Variants in CSMD1 observed in about 807,000 individuals in gnomAD.
CSMD1 encodes the protein CUB and Sushi multiple domains 1, also known as CUB and sushi domain-containing protein 1.
In CSMD1, 213 loss-of-function variants were observed where a neutral mutation model predicts 417.5. The observed-to-expected ratio is 0.51, with a 90% CI of 0.46 to 0.57. CSMD1 has a LOEUF of 0.57. Ranked by LOEUF, CSMD1 falls within the 20% of genes least tolerant of loss-of-function variation. CSMD1 has a pLI of 0.00. For missense variants in CSMD1, 6,923 were observed against 4,529.7 expected, an observed-to-expected ratio of 1.53 and a Z score of -15.17; for synonymous variants, 2,862 against 1,736.8, an observed-to-expected ratio of 1.65 and a Z score of -16.11.
intron 12 of CSMD1, among the ~76,000 whole-genome samples, chr8:3,430,261 A>C (rs1040403330): frequency 4.6e-5 from 7 of 152,270 alleles, no homozygotes; most frequent in African/African-American, 1.7e-4. Flanking sequence ...CATCATTATT[A>C]TCAATATGAA....
intron 3 of CSMD1, among the ~76,000 whole-genome samples, chr8:4,335,026 T>G (rs1800089023): frequency 6.6e-6 from 1 of 152,078 alleles, no homozygotes; most frequent in South Asian, 2.1e-4. Flanking sequence ...TTTAGCCTCC[T>G]TAGTAGCTGG....
intron 1 of CSMD1, among the ~76,000 whole-genome samples, chr8:4,955,377 G>A (rs1301515845): frequency 1.3e-5 from 2 of 151,834 alleles, no homozygotes; most frequent in Non-Finnish European, 2.9e-5. Flanking sequence ...TATGATTGGT[G>A]TCTTTCATGT....
At chr8:4,915,319 A>G (rs909779295) in intron 1 of CSMD1, among the ~76,000 whole-genome samples, 1 of 152,182 alleles carries the variant, frequency 6.6e-6, no homozygotes, top group Non-Finnish European at 1.5e-5. Context: ...GTGTGGATTT[A>G]TTGCAATGGT....
chr8:3,725,738 G>A (rs1026236056), intron 6 of CSMD1, among the ~76,000 whole-genome samples: 1 of 152,154 alleles, frequency 6.6e-6, no homozygotes, highest in Non-Finnish European at 1.5e-5. Flanking sequence ...ACCAACTGCT[G>A]TGTTGTTAGT....
chr8:4,297,031 C>T (rs1156873443), intron 3 of CSMD1, among the ~76,000 whole-genome samples: 1 of 151,946 alleles, frequency 6.6e-6, no homozygotes, highest in Non-Finnish European at 1.5e-5. Flanking sequence ...AAGAGTAATG[C>T]TACATTTTTA....
Position 4,201,656 on chromosome 8 carries a change from G to C in CSMD1, c.416-169557C>G, listed in dbSNP as rs139793801. ...AAGCCTTTATTTACCCTTGACCAAA[G>C]TTTTCATTTCTATAATTTACTCAAG... is the stretch of plus-strand genomic sequence containing the variant. On this transcript the variant is annotated intron_variant, in intron 3 of 69. Transcript: ENST00000635120. Among the ~76,000 whole-genome samples, 47 of 150,156 alleles carry C rather than the reference G, an allele frequency of 3.1e-4. 1 individual carries two copies. The East Asian group carries it at 7.9e-3, about 25-fold the overall frequency.
intron 5 of CSMD1, among the ~76,000 whole-genome samples, chr8:3,787,460 G>A (rs1297879088): frequency 1.3e-5 from 2 of 152,044 alleles, no homozygotes; most frequent in Non-Finnish European, 2.9e-5. Flanking sequence ...AATAATTCAT[G>A]TGAAAAACAA....
At chr8:4,446,907 C>T (rs1204082936) in intron 2 of CSMD1, among the ~76,000 whole-genome samples, 1 of 150,864 alleles carries the variant, frequency 6.6e-6, no homozygotes, top group Non-Finnish European at 1.5e-5. Context: ...AGGCGTGAGC[C>T]ATTGCGCCTG....
intron 40 of CSMD1, among the ~76,000 whole-genome samples, chr8:3,146,477 A>G (rs917536480): frequency 1.3e-5 from 2 of 152,324 alleles, no homozygotes; most frequent in Admixed American, 1.3e-4. Context: ...GGACTGATAT[A>G]TTATATTCCC....
chr8:4,904,832 C>T lies in CSMD1; in HGVS notation c.85+89500G>A, dbSNP rs536506538. Among the ~76,000 whole-genome samples the T allele has an allele frequency of 8.8e-4, 134 of 152,274 alleles. 1 individual carries two copies. The highest frequency in any genetic ancestry group is 3.2e-3 in the African/African-American group (131 of 41,574). On this transcript the variant is annotated intron_variant, in intron 1 of 69. Coordinates refer to ENST00000635120, the MANE Select transcript of CSMD1 (RefSeq NM_033225.6). ...GAAACAGAAAGTCTGGCATGAAGAT[C>T]CCTATCAGCAATGATCTGTAAATTA... is the stretch of plus-strand genomic sequence containing the variant.
intron 2 of CSMD1, among the ~76,000 whole-genome samples, chr8:4,625,541 G>T (rs370501140): frequency 6.6e-6 from 1 of 151,858 alleles, no homozygotes; most frequent in South Asian, 2.1e-4. Context: ...ACCATCTCTA[G>T]TCCAAAGTAG....
intron 26 of CSMD1, among the ~76,000 whole-genome samples, chr8:3,275,553 C>T (rs926786896): frequency 6.6e-6 from 1 of 152,194 alleles, no homozygotes; most frequent in South Asian, 2.1e-4. Flanking sequence ...GTCCCTGTCT[C>T]TTTCAGGTAC....
chr8:4,351,122 C>A (rs989431170), intron 3 of CSMD1, among the ~76,000 whole-genome samples: 23 of 151,422 alleles, frequency 1.5e-4, no homozygotes, highest in Non-Finnish European at 3.1e-4. Flanking sequence ...GGTTCGAGAC[C>A]AGTCCGGGCA....
chr8:3,157,384 A>T (rs1819601166), intron 39 of CSMD1, among the ~76,000 whole-genome samples: 1 of 152,144 alleles, frequency 6.6e-6, no homozygotes, highest in Admixed American at 6.5e-5. Flanking sequence ...ACAGCTCTGG[A>T]AAGCTTTTTC....
intron 1 of CSMD1, among the ~76,000 whole-genome samples, chr8:4,772,046 G>A (rs1477433522): frequency 1.3e-5 from 2 of 152,194 alleles, no homozygotes; most frequent in East Asian, 1.9e-4. Context: ...CGGTCTCACT[G>A]GGCTAAAACC....
At chr8:3,787,477 G>T (rs902481642) in intron 5 of CSMD1, among the ~76,000 whole-genome samples, 1 of 152,068 alleles carries the variant, frequency 6.6e-6, no homozygotes, top group South Asian at 2.1e-4. Flanking sequence ...ACAAAGTAGT[G>T]ATTAATCAAA....
At chr8:2,946,985 C>G (rs73179580) in intron 68 of CSMD1, among the ~76,000 whole-genome samples, 1 of 152,154 alleles carries the variant, frequency 6.6e-6, no homozygotes, top group Non-Finnish European at 1.5e-5. Flanking sequence ...TTATAATCAA[C>G]ATCTTTTCAT....
chr8:3,304,621 T>G (rs1254871722), intron 25 of CSMD1, among the ~76,000 whole-genome samples: 1 of 152,172 alleles, frequency 6.6e-6, no homozygotes, highest in Non-Finnish European at 1.5e-5. Flanking sequence ...TTTATAAATT[T>G]GATAGTGTGT....
intron 5 of CSMD1, among the ~76,000 whole-genome samples, chr8:3,818,236 C>T (rs1183951838): frequency 2.6e-5 from 4 of 152,030 alleles, no homozygotes; most frequent in Non-Finnish European, 4.4e-5. Context: ...CAAGATGCAG[C>T]CCCTGGGTCC....
Sources: allele counts gnomAD v4.1 joint callset (sites outside exome capture counted in the v4.1 genomes callset), GRCh38; gene constraint gnomAD v4.1.1; transcripts MANE v1.5; gene names NCBI Gene and HGNC (gene_info 2026-07-23, HGNC 2026-07-21).